Variants in FHOD3 observed in about 807,000 individuals in gnomAD.
FHOD3 encodes formin homology 2 domain containing 3.
Under a neutral mutation model 173.0 loss-of-function variants are expected in FHOD3, and 90 were observed. That is an observed-to-expected ratio of 0.52 (90% CI 0.44 to 0.62). The LOEUF is 0.62. Ranked by LOEUF, FHOD3 falls within the 20% of genes least tolerant of loss-of-function variation. The pLI, the probability that FHOD3 is intolerant of heterozygous loss-of-function variation, is 0.00. For missense variants in FHOD3, 1,945 were observed against 2,034.7 expected, an observed-to-expected ratio of 0.96 and a Z score of 0.85; for synonymous variants, 828 against 823.0, an observed-to-expected ratio of 1.01 and a Z score of -0.10.
chr18:36,532,407 T>C (rs552330712), intron 5 of FHOD3, among the ~76,000 whole-genome samples: 1 of 152,258 alleles, frequency 6.6e-6, no homozygotes, highest in East Asian at 1.9e-4. Context: ...GGGACATCCA[T>C]AGTGGCTTCT....
chr18:36,507,627 A>G (rs1243848346), intron 4 of FHOD3, among the ~76,000 whole-genome samples: 3 of 152,148 alleles, frequency 2.0e-5, no homozygotes, highest in Non-Finnish European at 4.4e-5. Flanking sequence ...GGTAACTTGA[A>G]TTGTCTTCTA....
At chr18:36,749,445 C>G (rs931288354) in intron 24 of FHOD3, among the ~76,000 whole-genome samples, 8 of 152,110 alleles carry the variant, frequency 5.3e-5, no homozygotes, top group African/African-American at 1.7e-4. Flanking sequence ...TTTTCTGTTC[C>G]CGTGTTGGTT....
At chr18:36,608,134 G>T (rs948730693) in intron 8 of FHOD3, among the ~76,000 whole-genome samples, 2 of 152,164 alleles carry the variant, frequency 1.3e-5, no homozygotes, top group African/African-American at 4.8e-5. Flanking sequence ...TATAGCAACA[G>T]CCCACTTCTC....
Position 36,638,692 on chromosome 18 carries a change from G to A in FHOD3, c.1197-10624G>A, listed in dbSNP as rs931706485. 3.9e-5 allele frequency among the ~76,000 whole-genome samples: 6 copies of A among 152,162 alleles called. No individual in the cohort carries two copies. The East Asian group carries it at 1.2e-3, about 29-fold the overall frequency. On this transcript the variant is annotated intron_variant, in intron 10 of 28. Coordinates refer to ENST00000590592, the MANE Select transcript of FHOD3 (RefSeq NM_001281740.3). ...ATTGAATGCAGTTTCTGAAAGGAGG[G>A]CCTGAGCATTCACCTTTTAAAATAA... is the stretch of plus-strand genomic sequence containing the variant.
At chr18:36,537,957 A>C (rs1448742679) in intron 5 of FHOD3, among the ~76,000 whole-genome samples, 2 of 152,172 alleles carry the variant, frequency 1.3e-5, no homozygotes, top group African/African-American at 4.8e-5. Context: ...AATAAACCTC[A>C]ACAAATTTAA....
At chr18:36,565,236 C>A (rs951506093) in intron 5 of FHOD3, among the ~76,000 whole-genome samples, 8 of 152,084 alleles carry the variant, frequency 5.3e-5, no homozygotes, top group Non-Finnish European at 8.8e-5. Context: ...TAGACAAATC[C>A]AGTTCAGAGT....
At chr18:36,525,119 G>A (rs979329855) in intron 5 of FHOD3, among the ~76,000 whole-genome samples, 21 of 152,078 alleles carry the variant, frequency 1.4e-4, no homozygotes, top group African/African-American at 4.8e-4. Context: ...TGAGTATAAC[G>A]GATGTGTAAA....
At chr18:36,394,300 C>G (rs2048445687) in intron 3 of FHOD3, among the ~76,000 whole-genome samples, 1 of 152,122 alleles carries the variant, frequency 6.6e-6, no homozygotes, top group Non-Finnish European at 1.5e-5. Flanking sequence ...ACAGTCTTCA[C>G]AAGCAGACAT....
intron 1 of FHOD3, among the ~76,000 whole-genome samples, chr18:36,304,318 T>A (rs1055170179): frequency 6.6e-6 from 1 of 152,180 alleles, no homozygotes; most frequent in African/African-American, 2.4e-5. Flanking sequence ...GACAAGTAGG[T>A]GAGTCAATAT....
intron 3 of FHOD3, among the ~76,000 whole-genome samples, chr18:36,455,483 T>C (rs1024421207): frequency 1.3e-5 from 2 of 152,210 alleles, no homozygotes; most frequent in Admixed American, 1.3e-4. Flanking sequence ...TCTATTATGA[T>C]TCTTTCAAAA....
intron 20 of FHOD3, among the ~76,000 whole-genome samples, chr18:36,733,467 A>G (rs577636073): frequency 6.6e-6 from 1 of 152,210 alleles, no homozygotes; most frequent in Admixed American, 6.5e-5. Context: ...ATGGACAACT[A>G]CCCCTTTAAA....
chr18:36,351,887 A>T (rs944080189), intron 1 of FHOD3, among the ~76,000 whole-genome samples: 5 of 152,222 alleles, frequency 3.3e-5, no homozygotes, highest in African/African-American at 1.2e-4. Flanking sequence ...CCACTAGTAC[A>T]TTCCCACCTC....
At chr18:36,512,369 A>T (rs962899727) in intron 4 of FHOD3, 69 bp from the exon 5 acceptor site, 56 of 1,170,918 alleles carry the variant, frequency 4.8e-5, no homozygotes, top group Non-Finnish European at 6.6e-5. Flanking sequence ...ACATAGTTTT[A>T]GCAGCACAGC....
intron 1 of FHOD3, among the ~76,000 whole-genome samples, chr18:36,335,367 C>T (rs935427920): frequency 2.6e-5 from 4 of 151,394 alleles, no homozygotes; most frequent in East Asian, 1.9e-4. Context: ...TGGTAGCGGG[C>T]GCCTGTAGTC....
intron 1 of FHOD3, among the ~76,000 whole-genome samples, chr18:36,307,698 C>T (rs775359209): frequency 9.9e-5 from 15 of 152,146 alleles, no homozygotes; most frequent in Non-Finnish European, 2.1e-4. Context: ...GATGACTTTG[C>T]TGGAGAGAGG....
At chr18:36,711,224 CTG>C (rs958888651) in intron 18 of FHOD3, 2 of 152,236 alleles carry the variant, frequency 1.3e-5, no homozygotes, top group East Asian at 3.8e-4. Context: ...TCATCAGCCA[CTG>C]TGGAGTCCGG....
chr18:36,725,509 C>A (rs1419243849), intron 19 of FHOD3, among the ~76,000 whole-genome samples: 1 of 152,172 alleles, frequency 6.6e-6, no homozygotes, highest in African/African-American at 2.4e-5. Context: ...TCTTCTGTAC[C>A]TGTGCAGGGT....
intron 28 of FHOD3, chr18:36,778,087 T>C (rs1874772744): frequency 6.6e-6 from 1 of 152,272 alleles, no homozygotes; most frequent in Admixed American, 6.5e-5. Flanking sequence ...TTTATTTTCA[T>C]AATAGGTATT....
chr18:36,418,894 A>G (rs1303383240), intron 3 of FHOD3, among the ~76,000 whole-genome samples: 2 of 152,180 alleles, frequency 1.3e-5, no homozygotes, highest in Non-Finnish European at 2.9e-5. Flanking sequence ...AGCCTGGGCG[A>G]CAAAGTGAGA....
Sources: gnomAD v4.1 joint callset for allele counts (sites outside exome capture counted in the v4.1 genomes callset) on GRCh38, gnomAD v4.1.1 for gene constraint, MANE v1.5 for transcripts, NCBI Gene and HGNC (gene_info 2026-07-23, HGNC 2026-07-21) for gene names.